Variants in CACNA1B observed in about 807,000 individuals in gnomAD.
The protein encoded by CACNA1B is voltage-dependent N-type calcium channel subunit alpha-1B.
Under a neutral mutation model 247.2 loss-of-function variants are expected in CACNA1B, and 70 were observed. The observed-to-expected ratio is 0.28, with a 90% CI of 0.23 to 0.35. The LOEUF (loss-of-function observed/expected upper bound fraction) is 0.35. CACNA1B is among the 10% of genes least tolerant of loss of function. CACNA1B has a pLI of 1.00. For synonymous variants in CACNA1B, 1,231 were observed against 1,294.4 expected, an observed-to-expected ratio of 0.95 and a Z score of 1.05; for missense variants, 2,367 against 3,197.4, an observed-to-expected ratio of 0.74 and a Z score of 6.26.
intron 12 of CACNA1B, among the ~76,000 whole-genome samples, chr9:137,976,249 C>T (rs1958219962): frequency 6.6e-6 from 1 of 152,234 alleles, no homozygotes; most frequent in South Asian, 2.1e-4. Flanking sequence ...CGGGAGGTCA[C>T]CCTTCCCTCT....
chr9:137,926,276 G>C (rs1268867336), intron 6 of CACNA1B, among the ~76,000 whole-genome samples: 1 of 151,850 alleles, frequency 6.6e-6, no homozygotes, highest in Non-Finnish European at 1.5e-5. Flanking sequence ...CACTATCTTG[G>C]CCAGGCTGGT....
At position 137,891,106 on chromosome 9, in the gene CACNA1B, A is replaced by G. The variant is rs28652832; in HGVS notation, c.530+8223A>G. 5 of 152,342 alleles carry G rather than the reference A, an allele frequency of 3.3e-5. No homozygotes were observed. 9.4% of individuals were successfully genotyped at this position (152,342 alleles called of 1,614,324 possible). On this transcript the variant is annotated intron_variant, in intron 3 of 46. Coordinates refer to ENST00000371372, the MANE Select transcript of CACNA1B (RefSeq NM_000718.4). The surrounding 1 kb of genome is among the most constrained non-coding windows in gnomAD (Gnocchi z 4.3). Reference sequence around the variant, plus strand: ...GCGTGGCCAGGCAGGTTGGGCTCTCAGGGCGCATGGCTACTTTAAATTTTG... The same window carrying G: ...GCGTGGCCAGGCAGGTTGGGCTCTCGGGGCGCATGGCTACTTTAAATTTTG...
intron 18 of CACNA1B, 51 bp downstream of exon 18, chr9:138,013,286 TC>T: frequency 7.2e-7 from 1 of 1,396,654 alleles, no homozygotes; most frequent in Non-Finnish European, 9.8e-7. Flanking sequence ...TGCTGCAGGG[TC>T]CCATGGCTGG....
rs201784946 is a variant in CACNA1B at position 138,006,727 on chromosome 9, G to A, written c.1975-40G>A. 1.8e-5 allele frequency: 21 copies of A among 1,164,588 alleles called. No individual in the cohort carries two copies. The African/African-American group carries it at 2.1e-4, about 12-fold the overall frequency. 72.1% of individuals were successfully genotyped at this position (1,164,588 alleles called of 1,614,324 possible). On this transcript the variant is annotated intron_variant, in intron 15 of 46. Coordinates refer to ENST00000371372, the MANE Select transcript of CACNA1B (RefSeq NM_000718.4). The stretch of plus-strand genomic sequence containing the variant: ...GGGGGTGCGTGTGTGTGGGGAAGGC[G>A]GCCATGGGGGCTTGCCCTGTGTTCT...
At chr9:137,947,370 G>GATT (rs1957808905) in intron 6 of CACNA1B, among the ~76,000 whole-genome samples, 2 of 151,944 alleles carry the variant, frequency 1.3e-5, no homozygotes, top group African/African-American at 4.8e-5. Flanking sequence ...TTTTCCTTTT[G>GATT]ATTCAGTTCT....
rs1387900710 is a variant in CACNA1B, at chr9:137,919,854, G to A, written c.966+2423G>A. 2.0e-5 allele frequency among the ~76,000 whole-genome samples: 3 copies of A among 152,332 alleles called. No individual in the cohort carries two copies. The East Asian group carries it at 5.8e-4, about 29-fold the overall frequency. On this transcript the variant is annotated intron_variant, in intron 6 of 46. Coordinates refer to ENST00000371372, the MANE Select transcript of CACNA1B (RefSeq NM_000718.4). This position sits in a 1 kb window ranked among gnomAD's most constrained non-coding sequence, Gnocchi z 4.6. Reference sequence around the variant, plus strand: ...TGGCAGCGGGTGGGGCAGCGTGGGGGCACTCCAGCTTGAGGAGAAATGGCT... The same window carrying A: ...TGGCAGCGGGTGGGGCAGCGTGGGGACACTCCAGCTTGAGGAGAAATGGCT...
rs1473708138 is a variant in CACNA1B, at chr9:137,990,907, A to C, written c.1974+4053A>C. 6.6e-6 allele frequency among the ~76,000 whole-genome samples: 1 copy of C among 152,210 alleles called. No homozygotes were observed. The highest frequency in any genetic ancestry group is 1.5e-5 in the Non-Finnish European group (1 of 68,034). On this transcript the variant is annotated intron_variant, in intron 15 of 46. Transcript: ENST00000371372. This position sits in a 1 kb window ranked among gnomAD's most constrained non-coding sequence, Gnocchi z 4.5. ...CCCCATTCCTCAGGGCAGGGGGAGA[A>C]CACCACATCAAGGGAGCACCCCCAA... is the stretch of plus-strand genomic sequence containing the variant.
chr9:138,053,987 G>A lies in CACNA1B; in HGVS notation c.3949G>A (p.Glu1317Lys), dbSNP rs199790408. The A allele has an allele frequency of 6.2e-7, 1 of 1,613,992 alleles. No homozygotes were observed. The highest frequency in any genetic ancestry group is 1.3e-5 in the African/African-American group (1 of 75,046). Residue 1317 changes from glutamate (E) to lysine (K), a missense_variant, in exon 26 of 47, where the codon GAG (glutamate) becomes AAG (lysine). Glu to Lys is a moderately conservative substitution (Grantham distance 56, BLOSUM62 1). This residue lies in a region of CACNA1B where 436 missense variants were observed against 679.5 expected (regional missense o/e 0.64). Coordinates refer to ENST00000371372, the MANE Select transcript of CACNA1B (RefSeq NM_000718.4). ...TTTCTACTGCACAGATGAATCCAAG[G>A]AGCTGGAGAGGGACTGCAGGTAAAC... ...KFFYCTDESK[E>K]LERDCRGQYL...
chr9:137,986,733 C>T lies in CACNA1B; in HGVS notation c.1902-49C>T. 2 of 1,510,170 alleles carry T rather than the reference C, an allele frequency of 1.3e-6. No individual in the cohort carries two copies. Among genetic ancestry groups the T allele is most frequent in the Non-Finnish European group, 1.8e-6 (2 of 1,085,866 alleles). The allele number at this position is 1,510,170 out of a possible 1,614,324, so 93.5% of individuals were successfully genotyped here. A position where few individuals can be genotyped will look rare whatever the true frequency, so the allele number is the denominator to read the frequency against. ...CCACGCTGGAGCCTGCAGGCGCTGC[C>T]TCGCTGCTGACGGGACTGCCACTTC... On this transcript the variant is annotated intron_variant, in intron 14 of 46. Transcript: ENST00000371372. This position sits in a 1 kb window ranked among gnomAD's most constrained non-coding sequence, Gnocchi z 6.0.
At chr9:138,112,795 G>A (rs140611276) in intron 40 of CACNA1B, among the ~76,000 whole-genome samples, 161 of 152,322 alleles carry the variant, frequency 1.1e-3, no homozygotes, top group Middle Eastern at 6.8e-3. Flanking sequence ...GAGGGAGTGC[G>A]GTGAGATGCC....
In CACNA1B at chr9:137,954,819, G is replaced by A. The variant is rs1237002587; in HGVS notation, c.1071-879G>A. On this transcript the variant is annotated intron_variant, in intron 7 of 46. Transcript: ENST00000371372. The surrounding 1 kb of genome is among the most constrained non-coding windows in gnomAD (Gnocchi z 4.1). ...TGCACCGGGGCTGTGTGTGCTGGGA[G>A]TCATACCTGCCACACCCACTCCACC... Among the ~76,000 whole-genome samples, 2 of 147,014 alleles carry A rather than the reference G, an allele frequency of 1.4e-5. No homozygotes were observed. The highest frequency in any genetic ancestry group is 2.6e-5 in the African/African-American group (1 of 38,128).
At chr9:137,995,646 A>G (rs1373691420) in intron 15 of CACNA1B, among the ~76,000 whole-genome samples, 2 of 152,260 alleles carry the variant, frequency 1.3e-5, no homozygotes, top group African/African-American at 4.8e-5. Flanking sequence ...CCAAGAACCC[A>G]AAAGCAAATG....
At chr9:137,903,423 G>A (rs531775212) in intron 3 of CACNA1B, among the ~76,000 whole-genome samples, 1 of 152,200 alleles carries the variant, frequency 6.6e-6, no homozygotes. Flanking sequence ...TCACTTGGTC[G>A]TGCTCTGCTT....
rs1959609487 is a variant in CACNA1B at position 138,058,789 on chromosome 9, C to T, written c.4473+56C>T. Reference sequence around the variant, plus strand: ...GGCGCTGCTAGGGATTGGGATCTAACCCTGAGGCTGAGTGGAGAGTCAGCC... The same window carrying T: ...GGCGCTGCTAGGGATTGGGATCTAATCCTGAGGCTGAGTGGAGAGTCAGCC... On this transcript the variant is annotated intron_variant, in intron 29 of 46. Transcript: ENST00000371372. This position sits in a 1 kb window ranked among gnomAD's most constrained non-coding sequence, Gnocchi z 4.7. 1 of 1,492,396 alleles carries T rather than the reference C, an allele frequency of 6.7e-7. No individual in the cohort carries two copies. Among genetic ancestry groups the T allele is most frequent in the African/African-American group, 1.4e-5 (1 of 71,618 alleles). 92.4% of individuals were successfully genotyped at this position (1,492,396 alleles called of 1,614,324 possible). A position where few individuals can be genotyped will look rare whatever the true frequency, so the allele number is the denominator to read the frequency against.
At chr9:138,093,508 A>G (rs1960951045) in intron 36 of CACNA1B, among the ~76,000 whole-genome samples, 1 of 151,946 alleles carries the variant, frequency 6.6e-6, no homozygotes, top group African/African-American at 2.4e-5. Context: ...TGGGAGTCCA[A>G]GGCAGGCAGA....
intron 6 of CACNA1B, among the ~76,000 whole-genome samples, chr9:137,932,206 A>G (rs1355172005): frequency 3.3e-5 from 5 of 152,172 alleles, no homozygotes; most frequent in Admixed American, 2.6e-4. Context: ...GTGATAGGAT[A>G]GGGAGATTGC....
chr9:137,882,691 G>A lies in CACNA1B; in HGVS notation c.391-53G>A, dbSNP rs542190334. On this transcript the variant is annotated intron_variant, in intron 2 of 46. Coordinates refer to ENST00000371372, the MANE Select transcript of CACNA1B (RefSeq NM_000718.4). This position sits in a 1 kb window ranked among gnomAD's most constrained non-coding sequence, Gnocchi z 4.0. ...GGGTCCTCACCAACCGTCTCTGCCCGCTACTACACCGGGTAGGGGCCAGGG... is the reference window on the plus strand; with the variant it reads ...GGGTCCTCACCAACCGTCTCTGCCCACTACTACACCGGGTAGGGGCCAGGG... 2.9e-5 allele frequency: 46 copies of A among 1,606,770 alleles called. No homozygotes were observed. In the African/African-American group the frequency reaches 3.6e-4, roughly 13 times the overall value.
At chr9:137,912,745 C>T (rs940873022) in intron 3 of CACNA1B, among the ~76,000 whole-genome samples, 2 of 152,262 alleles carry the variant, frequency 1.3e-5, no homozygotes, top group East Asian at 3.9e-4. Context: ...GTCCCTCAGG[C>T]TCCATCCTGC....
intron 23 of CACNA1B, 36 bp downstream of exon 23, chr9:138,047,494 T>G: frequency 6.8e-7 from 1 of 1,463,390 alleles, no homozygotes; most frequent in Non-Finnish European, 9.6e-7. Context: ...CCCCAGTGTT[T>G]TGCTCTCCCT....
Sources: gnomAD v4.1 joint callset for allele counts (sites outside exome capture counted in the v4.1 genomes callset) on GRCh38, gnomAD v4.1.1 for gene constraint, gnomAD v4.1.1 regional missense constraint, Gnocchi (gnomAD v3.1) non-coding constraint, MANE v1.5 for transcripts, NCBI Gene and HGNC (gene_info 2026-07-23, HGNC 2026-07-21) for gene names.